The following CHD6 variants were observed in gnomAD, a reference collection of about 807,000 sequenced individuals.
The protein encoded by CHD6 is ATP-dependent chromatin remodeler CHD6.
In CHD6, 50 loss-of-function variants were observed where a neutral mutation model predicts 276.9. The ratio of observed to expected loss-of-function variants is 0.18; its 90% confidence interval spans 0.14 to 0.23. The LOEUF (loss-of-function observed/expected upper bound fraction) is 0.23, where lower values mean the gene tolerates loss of function less well. CHD6 is among the 10% of genes least tolerant of loss of function. The pLI is 1.00. For missense variants in CHD6, 2,564 were observed against 3,365.8 expected (o/e 0.76, Z 5.89); for synonymous variants, 1,173 against 1,229.3 (o/e 0.95, Z 0.96).
At chr20:41,534,737 T>C (rs371688313) in intron 2 of CHD6, among the ~76,000 whole-genome samples, 11 of 152,256 alleles carry the variant, frequency 7.2e-5, no homozygotes, top group South Asian at 2.1e-4. Flanking sequence ...TCATTGCTGA[T>C]TGAGCACTTG....
intron 1 of CHD6, among the ~76,000 whole-genome samples, chr20:41,576,285 A>G (rs1445021333): frequency 2.0e-5 from 3 of 152,180 alleles, no homozygotes; most frequent in African/African-American, 7.2e-5. Flanking sequence ...AGAATAAGTA[A>G]AAGTAAGAAA....
At chr20:41,606,599 C>T (rs2045831464) in intron 1 of CHD6, among the ~76,000 whole-genome samples, 1 of 150,904 alleles carries the variant, frequency 6.6e-6, no homozygotes, top group Admixed American at 6.6e-5. Flanking sequence ...CACTTGAATC[C>T]AGGAGGTGGA....
At chr20:41,456,694 A>G (rs2048387257) in intron 18 of CHD6, among the ~76,000 whole-genome samples, 1 of 152,246 alleles carries the variant, frequency 6.6e-6, no homozygotes, top group Non-Finnish European at 1.5e-5. Flanking sequence ...CCAGAGATTA[A>G]GGAAATATTC....
intron 16 of CHD6, among the ~76,000 whole-genome samples, chr20:41,479,441 G>T (rs552847353): frequency 1.3e-5 from 2 of 152,004 alleles, no homozygotes; most frequent in Non-Finnish European, 2.9e-5. Flanking sequence ...TGCACACAGG[G>T]AGCAGCAATG....
intron 25 of CHD6, among the ~76,000 whole-genome samples, chr20:41,443,849 T>C (rs2047976304): frequency 6.6e-6 from 1 of 152,238 alleles, no homozygotes; most frequent in Admixed American, 6.5e-5. Flanking sequence ...GTTCTGGCTT[T>C]AAATGACTTC....
chr20:41,574,625 C>T (rs969002220), intron 1 of CHD6, among the ~76,000 whole-genome samples: 7 of 152,180 alleles, frequency 4.6e-5, no homozygotes, highest in Middle Eastern at 6.8e-3. Flanking sequence ...GACAAAAATG[C>T]CAGCTATCAG....
chr20:41,447,534 G>A (rs892126951), intron 24 of CHD6, among the ~76,000 whole-genome samples: 4 of 152,166 alleles, frequency 2.6e-5, no homozygotes, highest in African/African-American at 9.7e-5. Flanking sequence ...AGAACAGGAT[G>A]GTGGGTAAAA....
In CHD6 at chr20:41,453,410, G is replaced by A. The variant is rs369435284; in HGVS notation, c.3121-468C>T. ...ATTCCTGCTTTATTTATCTGCCTTC[G>A]ACTGGTTCTATCCACTAACCTTTTG... On this transcript the variant is annotated intron_variant, in intron 20 of 36. Transcript: ENST00000373233. Among the ~76,000 whole-genome samples, 130 of 152,238 alleles carry A rather than the reference G, an allele frequency of 8.5e-4. 3 individuals carry two copies. The South Asian group carries it at 0.026, about 31-fold the overall frequency.
chr20:41,484,256 T>C (rs1023903332), intron 15 of CHD6, 96 bp downstream of exon 15: 1 of 1,402,800 alleles, frequency 7.1e-7, no homozygotes. Flanking sequence ...CATCCTAGCA[T>C]ATAATGAAAA....
At chr20:41,516,762 T>C (rs2044262082) in intron 3 of CHD6, among the ~76,000 whole-genome samples, 1 of 152,042 alleles carries the variant, frequency 6.6e-6, no homozygotes. Flanking sequence ...AGTTTAGACT[T>C]CATTCTGCGT....
chr20:41,576,829 G>C (rs976771397), intron 1 of CHD6, among the ~76,000 whole-genome samples: 1 of 152,152 alleles, frequency 6.6e-6, no homozygotes, highest in Non-Finnish European at 1.5e-5. Context: ...TTATTACAAT[G>C]TTCAGATTCT....
At chr20:41,412,089 C>T (rs1204355559) in intron 36 of CHD6, 55 bp downstream of exon 36, 42 of 1,602,578 alleles carry the variant, frequency 2.6e-5, no homozygotes, top group Non-Finnish European at 3.0e-5. Flanking sequence ...ATGTAAGGCA[C>T]GGCTCAACCA....
chr20:41,470,490 G>A (rs1287383914), intron 17 of CHD6, among the ~76,000 whole-genome samples: 2 of 152,076 alleles, frequency 1.3e-5, no homozygotes, highest in Admixed American at 6.5e-5. Context: ...GGTCTTCTTC[G>A]TTTCTTCATT....
At chr20:41,490,771 C>A (rs568371921) in intron 11 of CHD6, among the ~76,000 whole-genome samples, 14 of 152,130 alleles carry the variant, frequency 9.2e-5, no homozygotes, top group African/African-American at 3.1e-4. Flanking sequence ...TGAGATCACA[C>A]CATTGCACTC....
chr20:41,597,007 A>C (rs2045724578), intron 1 of CHD6, among the ~76,000 whole-genome samples: 1 of 152,178 alleles, frequency 6.6e-6, no homozygotes, highest in African/African-American at 2.4e-5. Flanking sequence ...CCTGTAAAGA[A>C]CTTAAGCCCC....
intron 8 of CHD6, among the ~76,000 whole-genome samples, chr20:41,496,415 T>C (rs2043687067): frequency 6.6e-6 from 1 of 152,190 alleles, no homozygotes; most frequent in Non-Finnish European, 1.5e-5. Flanking sequence ...GGAGTTAGGA[T>C]TTCATCAGGA....
Position 41,451,006 on chromosome 20 carries a change from T to A in CHD6, c.3623A>T (p.Asn1208Ile). ...ATCATCATGCAAGACCACCTCGGGG[T>A]TGCAGGTGGCTAGCCAATCTGCATC... is the stretch of plus-strand genomic sequence containing the variant. ...LKDADWLATC[N>I]PEVVLHDDGY... The change falls in exon 23 of 37, where the codon AAC becomes ATC. Residue 1208 changes from asparagine to isoleucine, a missense_variant. By Grantham distance (149) the Asn-to-Ile change is moderately radical. Coordinates refer to ENST00000373233, the MANE Select transcript of CHD6 (RefSeq NM_032221.5). The A allele has an allele frequency of 6.2e-7, 1 of 1,613,844 alleles. No individual in the cohort carries two copies. Among genetic ancestry groups the A allele is most frequent in the Non-Finnish European group, 8.5e-7 (1 of 1,179,798 alleles).
Position 41,431,776 on chromosome 20 carries a change from C to CTTTTTTTTTTTTTTTT in CHD6, c.4068+5497_4068+5498insAAAAAAAAAAAAAAAA, listed in dbSNP as rs61227802. On this transcript the variant is annotated intron_variant, in intron 27 of 36. Coordinates refer to ENST00000373233, the MANE Select transcript of CHD6 (RefSeq NM_032221.5). Reference sequence around the variant, plus strand: ...AGGAATGACATGATGAAAAAACATGCTTTTTTTTTTTTTTTGCTTCATATA... The same window carrying CTTTTTTTTTTTTTTTT: ...AGGAATGACATGATGAAAAAACATGCTTTTTTTTTTTTTTTTTTTTTTTTTTTTTTTGCTTCATATA... Among the ~76,000 whole-genome samples the CTTTTTTTTTTTTTTTT allele has an allele frequency of 1.7e-3, 181 of 104,716 alleles. 11 individuals carry two copies. Among genetic ancestry groups the CTTTTTTTTTTTTTTTT allele is most frequent in the East Asian group, 3.0e-3 (9 of 3,020 alleles). The allele number at this position is 104,716 out of a possible 152,430, so 68.7% of individuals were successfully genotyped here.
intron 8 of CHD6, among the ~76,000 whole-genome samples, 157 bp from the exon 9 acceptor site, chr20:41,494,101 T>G (rs912753121): frequency 2.6e-5 from 4 of 152,234 alleles, no homozygotes; most frequent in Non-Finnish European, 5.9e-5. Flanking sequence ...ATTTATTCAC[T>G]GTCTCCAAAT....
Sources: allele counts gnomAD v4.1 joint callset (sites outside exome capture counted in the v4.1 genomes callset), GRCh38; gene constraint gnomAD v4.1.1; transcripts MANE v1.5; gene names NCBI Gene and HGNC (gene_info 2026-07-23, HGNC 2026-07-21).